Variants in KALRN observed in about 807,000 individuals in gnomAD.
KALRN encodes kalirin RhoGEF kinase.
KALRN carries 70 observed loss-of-function variants against 353.7 expected under a neutral mutation model. The ratio of observed to expected loss-of-function variants is 0.20; its 90% CI spans 0.16 to 0.24. The LOEUF (loss-of-function observed/expected upper bound fraction) is 0.24. Among genes scored for constraint, KALRN ranks in the 10% least tolerant of loss-of-function variants. The probability of loss-of-function intolerance (pLI) is 1.00; values close to 1 mark genes in which losing one functional copy is unlikely to be tolerated. For missense variants in KALRN, 2,791 were observed against 3,756.7 expected (o/e 0.74, Z 6.72); for synonymous variants, 1,391 against 1,434.8 (o/e 0.97, Z 0.69).
chr3:124,548,909 C>A (rs1395181188), intron 33 of KALRN, among the ~76,000 whole-genome samples: 4 of 152,218 alleles, frequency 2.6e-5, no homozygotes, highest in African/African-American at 4.8e-5. Context: ...CTGCCTCAGC[C>A]TCCCAAAGTG....
At position 124,321,227 on chromosome 3, in the gene KALRN, A is replaced by G. The variant is rs537766370; in HGVS notation, c.1093-4753A>G. Among the ~76,000 whole-genome samples the G allele has an allele frequency of 1.2e-4, 19 of 152,332 alleles. 1 individual carries two copies. The South Asian group carries it at 3.1e-3, about 25-fold the overall frequency. Reference sequence around the variant, plus strand: ...CTATGACCACAAAAGTGTAAAGTTCACCTCAGCTTTTAGGAGTGAAATGAA... The same window carrying G: ...CTATGACCACAAAAGTGTAAAGTTCGCCTCAGCTTTTAGGAGTGAAATGAA... On this transcript the variant is annotated intron_variant, in intron 6 of 59. Transcript: ENST00000682506.
At chr3:124,493,115 A>G (rs1305054628) in intron 32 of KALRN, among the ~76,000 whole-genome samples, 1 of 152,228 alleles carries the variant, frequency 6.6e-6, no homozygotes, top group Non-Finnish European at 1.5e-5. Context: ...AGGTTCTACA[A>G]GATAAAAGGA....
intron 13 of KALRN, among the ~76,000 whole-genome samples, chr3:124,409,932 G>A (rs1202691690): frequency 2.0e-5 from 3 of 152,094 alleles, no homozygotes; most frequent in Non-Finnish European, 4.4e-5. Flanking sequence ...AGAAAGAGGA[G>A]AGAGCCTGCG....
At chr3:124,341,659 G>C (rs1406289539) in intron 9 of KALRN, among the ~76,000 whole-genome samples, 2 of 152,220 alleles carry the variant, frequency 1.3e-5, no homozygotes, top group East Asian at 3.8e-4. Context: ...AGAGGGGTCA[G>C]TTTGAGCTCA....
chr3:124,282,771 A>C (rs2075475507), intron 5 of KALRN, among the ~76,000 whole-genome samples: 1 of 152,154 alleles, frequency 6.6e-6, no homozygotes, highest in Non-Finnish European at 1.5e-5. Context: ...CTCTTCATTC[A>C]GTAAGTTCTT....
At chr3:124,456,817 T>C in intron 23 of KALRN, 89 bp downstream of exon 23, 1 of 797,012 alleles carries the variant, frequency 1.3e-6, no homozygotes, top group African/African-American at 1.7e-5. Context: ...GCTTAATATG[T>C]TCTCATGGCC....
chr3:124,508,950 TTC>T (rs2065553150), intron 33 of KALRN, among the ~76,000 whole-genome samples: 1 of 152,204 alleles, frequency 6.6e-6, no homozygotes. Flanking sequence ...GCCTTTGATT[TTC>T]TCTTTTATAA....
chr3:124,506,713 A>G (rs2065271663), intron 33 of KALRN, among the ~76,000 whole-genome samples: 1 of 152,176 alleles, frequency 6.6e-6, no homozygotes, highest in South Asian at 2.1e-4. Context: ...TTTTTACTAC[A>G]TCTGTACCCT....
At chr3:124,145,953 C>T (rs180978119) in intron 1 of KALRN, among the ~76,000 whole-genome samples, 2 of 152,280 alleles carry the variant, frequency 1.3e-5, no homozygotes, top group Middle Eastern at 3.4e-3. Context: ...AAGGGTGCAC[C>T]ATCAAGGTGA....
At chr3:124,245,871 T>G (rs945935822) in intron 3 of KALRN, among the ~76,000 whole-genome samples, 1 of 152,208 alleles carries the variant, frequency 6.6e-6, no homozygotes, top group African/African-American at 2.4e-5. Context: ...GATTACTTAT[T>G]TTATGAACCT....
chr3:124,338,342 T>C (rs1306200024), intron 9 of KALRN, among the ~76,000 whole-genome samples: 1 of 152,224 alleles, frequency 6.6e-6, no homozygotes, highest in Non-Finnish European at 1.5e-5. Flanking sequence ...TGTGTCTTTG[T>C]TCTCATTGGT....
chr3:124,396,279 G>C (rs1037044272), intron 12 of KALRN, among the ~76,000 whole-genome samples: 1 of 152,060 alleles, frequency 6.6e-6, no homozygotes, highest in African/African-American at 2.4e-5. Context: ...CATACCAGTT[G>C]TCCAATTAAA....
At chr3:124,036,777 A>C (rs187240053) in intron 1 of KALRN, among the ~76,000 whole-genome samples, 2 of 152,364 alleles carry the variant, frequency 1.3e-5, no homozygotes, top group Admixed American at 1.3e-4. Flanking sequence ...CTTTGTCAAA[A>C]TTCTGGCATA....
At chr3:124,686,414 T>A (rs949787300) in intron 51 of KALRN, among the ~76,000 whole-genome samples, 3 of 152,178 alleles carry the variant, frequency 2.0e-5, no homozygotes, top group African/African-American at 7.2e-5. Context: ...AGGTAGCCTG[T>A]CTCCCAGGGA....
rs3054177 is a variant in KALRN at position 124,265,298 on chromosome 3, C to CTTTTTTTTTTTTTTTTTTTTT, written c.456+622_456+623insTTTTTTTTTTTTTTTTTTTTT. 3.7e-4 allele frequency among the ~76,000 whole-genome samples: 27 copies of CTTTTTTTTTTTTTTTTTTTTT among 73,104 alleles called. 4 individuals are homozygous for CTTTTTTTTTTTTTTTTTTTTT. The highest frequency in any genetic ancestry group is 4.1e-4 in the Non-Finnish European group (15 of 36,816). 48.0% of individuals were successfully genotyped at this position (73,104 alleles called of 152,430 possible). Reference sequence around the variant, plus strand: ...CTAGTAACTAATTTAAGAAAATATTCTTTTTTTTTTTTTTGAGATAGAGTC... The same window carrying CTTTTTTTTTTTTTTTTTTTTT: ...CTAGTAACTAATTTAAGAAAATATTCTTTTTTTTTTTTTTTTTTTTTTTTTTTTTTTTTTTGAGATAGAGTC... On this transcript the variant is annotated intron_variant, in intron 4 of 59. Coordinates refer to ENST00000682506, the MANE Select transcript of KALRN (RefSeq NM_001388419.1).
chr3:124,133,181 G>C (rs1239379390), intron 1 of KALRN, among the ~76,000 whole-genome samples: 1 of 152,140 alleles, frequency 6.6e-6, no homozygotes, highest in Non-Finnish European at 1.5e-5. Context: ...CCTTAGTGGT[G>C]ATTAAAACTT....
chr3:124,310,406 A>T (rs1402858716), intron 6 of KALRN, among the ~76,000 whole-genome samples: 5 of 152,194 alleles, frequency 3.3e-5, no homozygotes, highest in African/African-American at 1.2e-4. Context: ...GTAGAAATTG[A>T]CAAACTGATT....
intron 50 of KALRN, among the ~76,000 whole-genome samples, chr3:124,679,236 C>G (rs1369794994): frequency 1.3e-5 from 2 of 152,198 alleles, no homozygotes; most frequent in African/African-American, 4.8e-5. Flanking sequence ...TTGCTGTTTC[C>G]CATGAGATAA....
chr3:124,231,067 C>T (rs990749048), intron 2 of KALRN, among the ~76,000 whole-genome samples: 8 of 152,238 alleles, frequency 5.3e-5, no homozygotes, highest in Non-Finnish European at 7.3e-5. Context: ...AGCCTGCCCT[C>T]CTCTGCTAGC....
Sources: allele counts gnomAD v4.1 joint callset (sites outside exome capture counted in the v4.1 genomes callset), GRCh38; gene constraint gnomAD v4.1.1; transcripts MANE v1.5; gene names NCBI Gene and HGNC (gene_info 2026-07-23, HGNC 2026-07-21).